Variants in JAM2 observed in about 807,000 individuals in gnomAD.
JAM2 encodes the protein junctional adhesion molecule 2, also known as junctional adhesion molecule B.
Under a neutral mutation model 42.0 loss-of-function variants are expected in JAM2, and 17 were observed. The observed-to-expected ratio is 0.40, with a 90% CI of 0.28 to 0.61. JAM2 has a LOEUF of 0.61. JAM2 is among the 20% of genes least tolerant of loss of function. JAM2 has a pLI of 0.37. For missense variants in JAM2, 319 were observed against 358.3 expected, an observed-to-expected ratio of 0.89 and a Z score of 0.89; for synonymous variants, 118 against 128.6, an observed-to-expected ratio of 0.92 and a Z score of 0.56.
At chr21:25,703,463 C>T (rs575981963) in intron 6 of JAM2, among the ~76,000 whole-genome samples, 25 of 152,200 alleles carry the variant, frequency 1.6e-4, no homozygotes, top group African/African-American at 6.0e-4. Flanking sequence ...TCCATTGATC[C>T]GAGGTGTTTT....
At chr21:25,686,932 T>G (rs2033764287) in intron 2 of JAM2, among the ~76,000 whole-genome samples, 1 of 152,222 alleles carries the variant, frequency 6.6e-6, no homozygotes, top group Non-Finnish European at 1.5e-5. Context: ...TCTCTTTTCT[T>G]GATCTAAAGG....
intron 1 of JAM2, among the ~76,000 whole-genome samples, chr21:25,661,038 A>G (rs190641097): frequency 2.6e-5 from 4 of 151,638 alleles, no homozygotes; most frequent in Admixed American, 1.3e-4. Flanking sequence ...TGATCCGCCC[A>G]CCTCGGCCTC....
intron 4 of JAM2, among the ~76,000 whole-genome samples, chr21:25,697,801 G>A (rs137870829): frequency 4.6e-5 from 7 of 152,156 alleles, no homozygotes; most frequent in Middle Eastern, 6.8e-3. Context: ...CTACTGGGGA[G>A]GTTGAGGTGG....
Position 25,639,656 on chromosome 21 carries a change from C to G in JAM2, c.-166C>G. 2 of 538,564 alleles carry G rather than the reference C, an allele frequency of 3.7e-6. No homozygotes were observed. The highest frequency in any genetic ancestry group is 6.6e-6 in the Non-Finnish European group (2 of 305,316). 33.4% of individuals were successfully genotyped at this position (538,564 alleles called of 1,614,324 possible). A position where few individuals can be genotyped will look rare whatever the true frequency, so the allele number is the denominator to read the frequency against. ...TTGGCAGCCAGCTGAGAAGGCGCCC[C>G]GGGGAGGGGGAAACTGACATCCCAT... On this transcript the variant is annotated 5_prime_UTR_variant, in exon 1 of 10. Transcript: ENST00000480456.
chr21:25,706,136 GTTTA>G, intron 7 of JAM2, 50 bp downstream of exon 7: 1 of 1,113,660 alleles, frequency 9.0e-7, no homozygotes, highest in Non-Finnish European at 1.4e-6. Flanking sequence ...TGGCTATGGA[GTTTA>G]TTTATGAGAT....
At chr21:25,682,826 G>T (rs1190024665) in intron 1 of JAM2, among the ~76,000 whole-genome samples, 1 of 151,986 alleles carries the variant, frequency 6.6e-6, no homozygotes, top group Non-Finnish European at 1.5e-5. Flanking sequence ...TGGGAAGATG[G>T]TCTTTTCCTG....
intron 3 of JAM2, chr21:25,692,687 C>G (rs561291341): frequency 6.6e-6 from 1 of 152,236 alleles, no homozygotes; most frequent in East Asian, 1.9e-4. Flanking sequence ...CCTTGTATAA[C>G]TACTGAATTT....
chr21:25,694,116 C>A (rs900208564), intron 4 of JAM2, among the ~76,000 whole-genome samples: 1 of 152,160 alleles, frequency 6.6e-6, no homozygotes, highest in Admixed American at 6.5e-5. Context: ...TTTAGTAATG[C>A]GTTATCACAA....
At position 25,698,709 on chromosome 21, in the gene JAM2, T is replaced by C; in HGVS notation, c.427T>C (p.Ser143Pro). Residue 143 changes from serine to proline, a missense_variant, in exon 5 of 10, where the codon TCT becomes CCT. Ser to Pro is a moderately conservative substitution (Grantham distance 74). Transcript: ENST00000480456. ...APAVPSCEVP[S>P]SALSGTVVEL... ...AGCAGTTCCATCATGTGAAGTACCC[T>C]CTTCTGCTCTGAGTGGAACTGTGGT... 2 of 1,614,128 alleles carry C rather than the reference T, an allele frequency of 1.2e-6. No individual in the cohort carries two copies.
intron 4 of JAM2, among the ~76,000 whole-genome samples, chr21:25,695,323 A>C (rs1034322195): frequency 6.6e-6 from 1 of 152,256 alleles, no homozygotes; most frequent in Non-Finnish European, 1.5e-5. Flanking sequence ...ACAGCATCCC[A>C]AGGCAGAAGA....
chr21:25,705,392 G>A (rs1439375997), intron 6 of JAM2, among the ~76,000 whole-genome samples: 2 of 151,894 alleles, frequency 1.3e-5, no homozygotes, highest in African/African-American at 2.4e-5. Context: ...CACCATACCC[G>A]GATAATTTTT....
intron 1 of JAM2, among the ~76,000 whole-genome samples, chr21:25,647,355 C>T (rs1177127217): frequency 6.6e-6 from 1 of 152,064 alleles, no homozygotes; most frequent in Admixed American, 6.5e-5. Flanking sequence ...GAAATAGTTC[C>T]AGTATATATA....
intron 7 of JAM2, 154 bp downstream of exon 7, chr21:25,706,240 G>A: frequency 1.7e-6 from 1 of 583,104 alleles, no homozygotes; most frequent in Non-Finnish European, 3.1e-6. Flanking sequence ...GTGCAGTGGT[G>A]GCAAAATCTC....
At position 25,698,659 on chromosome 21, in the gene JAM2, T is replaced by C. The variant is rs1380485949; in HGVS notation, c.395-18T>C. On this transcript the variant is annotated intron_variant, in intron 4 of 9. Transcript: ENST00000480456. Reference sequence around the variant, plus strand: ...TTAGCTTATAAATAATCAATATCATTTGACTTCCATTGTTCAGTGGCTCCA... The same window carrying C: ...TTAGCTTATAAATAATCAATATCATCTGACTTCCATTGTTCAGTGGCTCCA... 1.2e-6 allele frequency: 2 copies of C among 1,603,900 alleles called. No homozygotes were observed. Among genetic ancestry groups the C allele is most frequent in the Non-Finnish European group, 1.7e-6 (2 of 1,172,092 alleles).
chr21:25,675,850 A>G lies in JAM2; in HGVS notation c.68-8033A>G, dbSNP rs144155484. On this transcript the variant is annotated intron_variant, in intron 1 of 9. Transcript: ENST00000480456. ...GTGGGACACAGATCTAAACCATATC[A>G]GTATAATAATTGTCTTTCAGTAACT... 3.8e-3 allele frequency among the ~76,000 whole-genome samples: 579 copies of G among 152,322 alleles called. 4 individuals are homozygous for G. Among genetic ancestry groups the G allele is most frequent in the African/African-American group, 0.013 (551 of 41,574 alleles).
chr21:25,711,534 C>A, intron 8 of JAM2: 1 of 393,022 alleles, frequency 2.5e-6, no homozygotes, highest in Non-Finnish European at 5.0e-6. Context: ...CTTCCTGTTC[C>A]CAGATTTCTG....
intron 1 of JAM2, 101 bp from the exon 2 acceptor site, chr21:25,683,782 C>A: frequency 1.2e-6 from 1 of 803,116 alleles, no homozygotes; most frequent in East Asian, 2.8e-5. Context: ...AAACTTGTCA[C>A]CAAACTTTAG....
chr21:25,696,253 C>T (rs917008367), intron 4 of JAM2, among the ~76,000 whole-genome samples: 2 of 152,134 alleles, frequency 1.3e-5, no homozygotes, highest in East Asian at 1.9e-4. Flanking sequence ...TCAGGCGTGG[C>T]GGCGCGCGCC....
rs1258698193 is a variant in JAM2, at chr21:25,715,774, G to A, written c.*1102G>A. 6.6e-6 allele frequency: 1 copy of A among 152,126 alleles called. No individual in the cohort carries two copies. The highest frequency in any genetic ancestry group is 1.5e-5 in the Non-Finnish European group (1 of 68,036). The allele number at this position is 152,126 out of a possible 1,614,324, so 9.4% of individuals were successfully genotyped here. Reference sequence around the variant, plus strand: ...AACCGATGAACCACAAAAGCTTCCAGCTACTATTACAATGTGAAAATTCCA... The same window carrying A: ...AACCGATGAACCACAAAAGCTTCCAACTACTATTACAATGTGAAAATTCCA... On this transcript the variant is annotated 3_prime_UTR_variant, in exon 10 of 10. Coordinates refer to ENST00000480456, the MANE Select transcript of JAM2 (RefSeq NM_021219.4).
Sources: gnomAD v4.1 joint callset for allele counts (sites outside exome capture counted in the v4.1 genomes callset) on GRCh38, gnomAD v4.1.1 for gene constraint, MANE v1.5 for transcripts, NCBI Gene and HGNC (gene_info 2026-07-23, HGNC 2026-07-21) for gene names.